EXO1: variants seen among roughly 807,000 people sequenced by gnomAD.
The protein encoded by EXO1 is exonuclease 1.
Under a neutral mutation model 84.5 loss-of-function variants are expected in EXO1, and 69 were observed. The ratio of observed to expected loss-of-function variants is 0.82; its 90% CI spans 0.67 to 1.00. The LOEUF is 1.00. Among genes scored for constraint, EXO1 ranks in the 50% least tolerant of loss-of-function variants. The probability of loss-of-function intolerance (pLI) is 0.00; values close to 1 mark genes in which losing one functional copy is unlikely to be tolerated. For missense variants in EXO1, 1,045 were observed against 1,000.7 expected (o/e 1.04, Z -0.60); for synonymous variants, 373 against 366.1 (o/e 1.02, Z -0.21).
In EXO1 at chr1:241,861,588, T is replaced by G. The variant is rs1023745543; in HGVS notation, c.1041+86T>G. ...AAGGCAAATCTTCATACACTAAGCT[T>G]CTTTTAAGCGTTTCTATATCCAGGC... On this transcript the variant is annotated intron_variant, in intron 10 of 15. Transcript: ENST00000366548. 1.1e-5 allele frequency: 9 copies of G among 789,698 alleles called. No homozygotes were observed. The East Asian group carries it at 1.2e-4, about 11-fold the overall frequency. 48.9% of individuals were successfully genotyped at this position (789,698 alleles called of 1,614,324 possible). A position where few individuals can be genotyped will look rare whatever the true frequency, so the allele number is the denominator to read the frequency against.
intron 11 of EXO1, among the ~76,000 whole-genome samples, chr1:241,869,230 G>T (rs756716269): frequency 6.6e-6 from 1 of 152,192 alleles, no homozygotes; most frequent in Non-Finnish European, 1.5e-5. Flanking sequence ...CAATGGTGCA[G>T]AATAATAGAG....
intron 3 of EXO1, 126 bp from the exon 4 acceptor site, chr1:241,850,279 CAAAA>C (rs375640251): frequency 1.2e-5 from 6 of 518,310 alleles, no homozygotes; most frequent in South Asian, 2.1e-5. Context: ...GACTCCGTCT[CAAAA>C]AAAAAAAAAA....
chr1:241,865,008 G>C (rs1003707432), intron 10 of EXO1, among the ~76,000 whole-genome samples: 2 of 151,368 alleles, frequency 1.3e-5, no homozygotes, highest in African/African-American at 4.9e-5. Flanking sequence ...TGAGTAGCTG[G>C]AACTACAGGC....
chr1:241,867,394 A>G (rs1466068868), intron 11 of EXO1, among the ~76,000 whole-genome samples: 1 of 152,154 alleles, frequency 6.6e-6, no homozygotes, highest in Non-Finnish European at 1.5e-5. Flanking sequence ...CTTATTCACT[A>G]CTATAAGAAC....
In EXO1 at chr1:241,881,422, G is replaced by A. The variant is rs535658028; in HGVS notation, c.2110-494G>A. On this transcript the variant is annotated intron_variant, in intron 13 of 15. Coordinates refer to ENST00000366548, the MANE Select transcript of EXO1 (RefSeq NM_130398.4). ...GAAGTCTTATCTGATAGAATTGGGG[G>A]CAGAAAGGTCTGAAAGTCATTGCTA... Among the ~76,000 whole-genome samples the A allele has an allele frequency of 4.6e-5, 7 of 152,316 alleles. No homozygotes were observed. In the South Asian group the frequency reaches 1.2e-3, roughly 27 times the overall value.
Position 241,857,359 on chromosome 1 carries a change from G to A in EXO1, c.420G>A (p.Gln140=), listed in dbSNP as rs765285348. The change falls in exon 7 of 16, where the codon CAG becomes CAA. Residue 140 remains glutamine, a synonymous_variant. Coordinates refer to ENST00000366548, the MANE Select transcript of EXO1 (RefSeq NM_130398.4). The part of the protein sequence containing the change: ...AHKVIKAARS[Q]GVDCLVAPYE... The stretch of plus-strand genomic sequence containing the variant: ...CTCTCTTCTAGGCTGCCCGGTCTCA[G>A]GGGGTAGATTGCCTCGTGGCTCCCT... 2 of 1,613,748 alleles carry A rather than the reference G, an allele frequency of 1.2e-6. No individual in the cohort carries two copies. The highest frequency in any genetic ancestry group is 1.7e-6 in the Non-Finnish European group (2 of 1,179,782).
At chr1:241,871,348 C>T (rs1248088090) in intron 11 of EXO1, among the ~76,000 whole-genome samples, 3 of 152,190 alleles carry the variant, frequency 2.0e-5, no homozygotes, top group Non-Finnish European at 2.9e-5. Flanking sequence ...GCACTTACAC[C>T]TCTGTGGAGA....
chr1:241,855,839 G>C (rs558155164), intron 6 of EXO1, among the ~76,000 whole-genome samples: 2 of 152,242 alleles, frequency 1.3e-5, no homozygotes, highest in Non-Finnish European at 2.9e-5. Context: ...AGCCCTCATT[G>C]CCTGGGGCCG....
chr1:241,850,050 G>A (rs562563702), intron 3 of EXO1, among the ~76,000 whole-genome samples: 1 of 152,326 alleles, frequency 6.6e-6, no homozygotes, highest in South Asian at 2.1e-4. Flanking sequence ...GGGAGGCCGA[G>A]GCGGGCGGAT....
chr1:241,855,400 T>C (rs1046919797), intron 6 of EXO1, among the ~76,000 whole-genome samples: 3 of 152,186 alleles, frequency 2.0e-5, no homozygotes, highest in Admixed American at 2.0e-4. Context: ...AGGGTGCTGA[T>C]TGGTGTGTTT....
chr1:241,851,358 T>C (rs1660660112), intron 4 of EXO1, among the ~76,000 whole-genome samples: 1 of 152,240 alleles, frequency 6.6e-6, no homozygotes, highest in Non-Finnish European at 1.5e-5. Flanking sequence ...CTGTCACTGA[T>C]CTACAACACA....
rs147868019 is a variant in EXO1 at position 241,887,307 on chromosome 1, T to C, written c.2405+1800T>C. 2.9e-3 allele frequency among the ~76,000 whole-genome samples: 438 copies of C among 152,294 alleles called. 18 individuals carry two copies. Among genetic ancestry groups the C allele is most frequent in the Middle Eastern group, 3.4e-3 (1 of 294 alleles). ...TTGTGCCACCAGCCCCAGTTAATTA[T>C]TTAAGTTGTTATGTGAGGTGTGAGC... On this transcript the variant is annotated intron_variant, in intron 15 of 15. Coordinates refer to ENST00000366548, the MANE Select transcript of EXO1 (RefSeq NM_130398.4).
chr1:241,863,426 A>AC lies in EXO1; in HGVS notation c.1041+1924_1041+1925insC, dbSNP rs1237161811. ...TCCAGGCTAAAAAAAAAAAAAACAA[A>AC]AAAAGCGTATGTAGAAAAAAGTGAT... On this transcript the variant is annotated intron_variant, in intron 10 of 15. Transcript: ENST00000366548. 5.9e-4 allele frequency among the ~76,000 whole-genome samples: 90 copies of AC among 151,586 alleles called. 1 individual carries two copies. The highest frequency in any genetic ancestry group is 2.1e-3 in the African/African-American group (88 of 41,312).
Position 241,852,414 on chromosome 1 carries a change from A to C in EXO1, c.281+3A>C. 3 of 1,594,574 alleles carry C rather than the reference A, an allele frequency of 1.9e-6. No individual in the cohort carries two copies. The highest frequency in any genetic ancestry group is 2.6e-6 in the Non-Finnish European group (3 of 1,163,580). ...GAAGTAGAGAGATCTAGAAGAGAGT[A>C]AGTTAATTCTCTACTTAATCTCTAA... On this transcript the variant is annotated splice_donor_region_variant and intron_variant, in intron 5 of 15. Transcript: ENST00000366548.
chr1:241,872,276 C>T lies in EXO1; in HGVS notation c.1512C>T (p.Ser504=). 1.2e-6 allele frequency: 2 copies of T among 1,613,730 alleles called. No individual in the cohort carries two copies. The highest frequency in any genetic ancestry group is 1.7e-6 in the Non-Finnish European group (2 of 1,179,728). Residue 504 remains serine, a splice_region_variant and synonymous_variant, in exon 12 of 16, where the codon AGC becomes AGT. Coordinates refer to ENST00000366548, the MANE Select transcript of EXO1 (RefSeq NM_130398.4). The part of the protein sequence containing the change: ...SGAVVVPGTR[S]RFFCSSDSTD... ...CAGTTGTGGTTCCAGGGACCAGAAGCAGGTATAGTTATGTCTCCAGAATGT... is the reference window on the plus strand; with the variant it reads ...CAGTTGTGGTTCCAGGGACCAGAAGTAGGTATAGTTATGTCTCCAGAATGT...
At chr1:241,887,777 T>C (rs983099632) in intron 15 of EXO1, among the ~76,000 whole-genome samples, 5 of 152,152 alleles carry the variant, frequency 3.3e-5, no homozygotes, top group Non-Finnish European at 1.5e-5. Context: ...TAGGTGGGAT[T>C]ACAGGCGCCT....
intron 10 of EXO1, among the ~76,000 whole-genome samples, chr1:241,863,433 G>A (rs943790509): frequency 6.8e-6 from 1 of 147,192 alleles, no homozygotes; most frequent in Non-Finnish European, 1.5e-5. Flanking sequence ...CAAAAAAAGC[G>A]TATGTAGAAA....
At chr1:241,887,616 T>C (rs1663138287) in intron 15 of EXO1, among the ~76,000 whole-genome samples, 1 of 152,124 alleles carries the variant, frequency 6.6e-6, no homozygotes, top group Non-Finnish European at 1.5e-5. Context: ...ACAGGCTCTC[T>C]TTGCTCATTT....
chr1:241,864,933 G>A (rs1254913856), intron 10 of EXO1, among the ~76,000 whole-genome samples: 1 of 150,036 alleles, frequency 6.7e-6, no homozygotes, highest in Non-Finnish European at 1.5e-5. Flanking sequence ...CTCCAGGCTG[G>A]AGTGCAGTGG....
Sources: gnomAD v4.1 joint callset for allele counts (sites outside exome capture counted in the v4.1 genomes callset) on GRCh38, gnomAD v4.1.1 for gene constraint, MANE v1.5 for transcripts, NCBI Gene and HGNC (gene_info 2026-07-23, HGNC 2026-07-21) for gene names.